Variants in GULP1 observed in about 807,000 individuals in gnomAD.
GULP1 encodes the protein PTB domain-containing engulfment adapter protein 1.
A neutral mutation model predicts 40.9 loss-of-function variants in GULP1; 19 were observed. The observed-to-expected ratio is 0.46, with a 90% CI of 0.32 to 0.68. The LOEUF (loss-of-function observed/expected upper bound fraction) is 0.68, where lower values mean the gene tolerates loss of function less well. Ranked by LOEUF, GULP1 falls within the 30% of genes least tolerant of loss-of-function variation. GULP1 has a pLI of 0.03. For synonymous variants in GULP1, 119 were observed against 117.6 expected (o/e 1.01, Z -0.08); for missense variants, 312 against 362.2 (o/e 0.86, Z 1.12).
At chr2:188,534,501 A>AGG (rs1275095646) in intron 6 of GULP1, among the ~76,000 whole-genome samples, 3 of 151,800 alleles carry the variant, frequency 2.0e-5, no homozygotes, top group Non-Finnish European at 4.4e-5. Flanking sequence ...AGAAGGAAGG[A>AGG]GGGGATAAGG....
At chr2:188,518,117 A>G (rs34005308) in intron 4 of GULP1, among the ~76,000 whole-genome samples, 18,966 of 151,988 alleles carry the variant, frequency 0.12, 1,377 homozygotes, top group Middle Eastern at 0.18. Flanking sequence ...TATATACTAG[A>G]CTGTATGTCC....
chr2:188,458,840 C>T (rs1351409860), intron 2 of GULP1, among the ~76,000 whole-genome samples: 1 of 152,024 alleles, frequency 6.6e-6, no homozygotes, highest in Non-Finnish European at 1.5e-5. Flanking sequence ...CCACCCCCAT[C>T]CCTACACTCT....
chr2:188,490,194 T>C (rs1450495746), intron 4 of GULP1, among the ~76,000 whole-genome samples: 1 of 152,112 alleles, frequency 6.6e-6, no homozygotes, highest in Non-Finnish European at 1.5e-5. Flanking sequence ...TCAAACTCGG[T>C]TATTTTCTTG....
At chr2:188,336,136 T>C (rs887923293) in intron 1 of GULP1, among the ~76,000 whole-genome samples, 1 of 152,198 alleles carries the variant, frequency 6.6e-6, no homozygotes, top group African/African-American at 2.4e-5. Flanking sequence ...AGACTTGGAC[T>C]TAGAAATGTA....
intron 2 of GULP1, among the ~76,000 whole-genome samples, chr2:188,477,336 G>A (rs569987421): frequency 6.6e-6 from 1 of 152,038 alleles, no homozygotes; most frequent in South Asian, 2.1e-4. Flanking sequence ...CACACCTCTT[G>A]TCAACAAGCT....
At chr2:188,489,657 TTATCACTTGGA>T (rs1449612026) in intron 4 of GULP1, among the ~76,000 whole-genome samples, 1 of 152,018 alleles carries the variant, frequency 6.6e-6, no homozygotes, top group Non-Finnish European at 1.5e-5. Context: ...TTGGGATCTG[TTATCACTTGGA>T]ATTTTTGCTT....
intron 2 of GULP1, among the ~76,000 whole-genome samples, chr2:188,455,385 T>C (rs997050369): frequency 1.3e-5 from 2 of 152,102 alleles, no homozygotes; most frequent in African/African-American, 2.4e-5. Flanking sequence ...ACAATTCCCA[T>C]GTGTCATGGG....
intron 2 of GULP1, among the ~76,000 whole-genome samples, chr2:188,393,188 C>T (rs2050760643): frequency 6.6e-6 from 1 of 151,666 alleles, no homozygotes; most frequent in Admixed American, 6.6e-5. Flanking sequence ...TGAAGTCCCC[C>T]CGCGATTACT....
chr2:188,292,845 G>C lies in GULP1; in HGVS notation c.-172+679G>C, dbSNP rs1021709104. The C allele has an allele frequency of 1.0e-4, 16 of 152,412 alleles. No homozygotes were observed. Among genetic ancestry groups the C allele is most frequent in the African/African-American group, 3.9e-4 (16 of 41,336 alleles). 9.4% of individuals were successfully genotyped at this position (152,412 alleles called of 1,614,324 possible). A position where few individuals can be genotyped will look rare whatever the true frequency, so the allele number is the denominator to read the frequency against. ...AGTAGCTTCTTCTGGAGGGCGCAAG[G>C]CGCGGCGGGGGTGATGAGCCCTTGG... On this transcript the variant is annotated intron_variant, in intron 1 of 11. Coordinates refer to ENST00000409830, the MANE Select transcript of GULP1 (RefSeq NM_016315.4). The surrounding 1 kb of genome is among the most constrained non-coding windows in gnomAD (Gnocchi z 4.0).
At chr2:188,347,485 T>C (rs1574601566) in intron 1 of GULP1, among the ~76,000 whole-genome samples, 1 of 152,182 alleles carries the variant, frequency 6.6e-6, no homozygotes, top group Admixed American at 6.5e-5. Flanking sequence ...AATATAGTTA[T>C]CTAAATGTTC....
intron 6 of GULP1, among the ~76,000 whole-genome samples, chr2:188,531,553 A>G (rs550462123): frequency 8.5e-5 from 13 of 152,322 alleles, no homozygotes; most frequent in South Asian, 2.1e-4. Context: ...AATTACAAAC[A>G]AAGATGTGAA....
At chr2:188,351,815 A>G (rs1284455865) in intron 1 of GULP1, among the ~76,000 whole-genome samples, 2 of 152,202 alleles carry the variant, frequency 1.3e-5, no homozygotes, top group African/African-American at 4.8e-5. Context: ...GAATTCCTGT[A>G]CATACTTCTC....
intron 9 of GULP1, among the ~76,000 whole-genome samples, chr2:188,577,656 C>A (rs533169255): frequency 6.6e-6 from 1 of 152,066 alleles, no homozygotes; most frequent in African/African-American, 2.4e-5. Flanking sequence ...ACAATTATAT[C>A]CATTTAACTT....
intron 1 of GULP1, among the ~76,000 whole-genome samples, chr2:188,320,500 A>C (rs2039806343): frequency 6.6e-6 from 1 of 152,112 alleles, no homozygotes; most frequent in South Asian, 2.1e-4. Context: ...CTGGTATAAG[A>C]CCTTCTTTCC....
intron 7 of GULP1, among the ~76,000 whole-genome samples, chr2:188,547,961 A>G (rs1260782823): frequency 9.2e-5 from 14 of 152,098 alleles, no homozygotes; most frequent in Non-Finnish European, 2.1e-4. Flanking sequence ...TCTCAGAAAA[A>G]TAGGAATGGA....
intron 9 of GULP1, among the ~76,000 whole-genome samples, chr2:188,570,710 A>C (rs949965725): frequency 6.6e-6 from 1 of 152,174 alleles, no homozygotes; most frequent in Non-Finnish European, 1.5e-5. Flanking sequence ...TTATTACATG[A>C]TTTTGGCAAA....
intron 4 of GULP1, among the ~76,000 whole-genome samples, chr2:188,497,357 G>A (rs2153125929): frequency 6.6e-6 from 1 of 151,924 alleles, no homozygotes; most frequent in Non-Finnish European, 1.5e-5. Flanking sequence ...ATAGTAAATG[G>A]TCCAAACAAC....
intron 1 of GULP1, among the ~76,000 whole-genome samples, chr2:188,346,547 C>A (rs912524669): frequency 4.0e-5 from 6 of 151,358 alleles, no homozygotes; most frequent in African/African-American, 1.5e-4. Context: ...GGCTGGAGTG[C>A]AGTGGTGCGA....
chr2:188,292,121 TCC>T lies in GULP1; in HGVS notation c.-216_-215del, dbSNP rs1198847292. On this transcript the variant is annotated 5_prime_UTR_variant, in exon 1 of 12. Transcript: ENST00000409830. This position sits in a 1 kb window ranked among gnomAD's most constrained non-coding sequence, Gnocchi z 4.0. ...CCAGGCTCGGAGGAACCGGCAGCTC[TCC>T]ACGCCCCTGCCCGAAGCCTGACCCG... The T allele has an allele frequency of 6.6e-6, 1 of 152,268 alleles. No homozygotes were observed. Among genetic ancestry groups the T allele is most frequent in the Non-Finnish European group, 1.5e-5 (1 of 68,086 alleles). The allele number at this position is 152,268 out of a possible 1,614,324, so 9.4% of individuals were successfully genotyped here. A position where few individuals can be genotyped will look rare whatever the true frequency, so the allele number is the denominator to read the frequency against.
Sources: allele counts gnomAD v4.1 joint callset (sites outside exome capture counted in the v4.1 genomes callset), GRCh38; gene constraint gnomAD v4.1.1; non-coding constraint Gnocchi (gnomAD v3.1); transcripts MANE v1.5; gene names NCBI Gene and HGNC (gene_info 2026-07-23, HGNC 2026-07-21).